HNF1B: variants seen among roughly 807,000 people sequenced by gnomAD.
HNF1B encodes the protein HNF1 homeobox B.
In HNF1B, 8 loss-of-function variants were observed where a neutral mutation model predicts 61.7. The observed-to-expected ratio is 0.13, with a 90% CI of 0.08 to 0.23. HNF1B has a LOEUF of 0.23. Ranked by LOEUF, HNF1B falls within the 10% of genes least tolerant of loss-of-function variation. The probability of loss-of-function intolerance (pLI) is 1.00; values close to 1 mark genes in which losing one functional copy is unlikely to be tolerated. For missense variants in HNF1B, 562 were observed against 714.5 expected, an observed-to-expected ratio of 0.79 and a Z score of 2.43; for synonymous variants, 314 against 287.7, an observed-to-expected ratio of 1.09 and a Z score of -0.93.
At chr17:37,713,322 C>T (rs1312953939) in intron 4 of HNF1B, among the ~76,000 whole-genome samples, 3 of 152,212 alleles carry the variant, frequency 2.0e-5, no homozygotes, top group African/African-American at 7.2e-5. Flanking sequence ...CACAAGGAGG[C>T]TTCTCCCCTA....
chr17:37,699,018 C>T (rs1204631824), intron 8 of HNF1B, 58 bp downstream of exon 8: 21 of 1,212,160 alleles, frequency 1.7e-5, no homozygotes, highest in African/African-American at 6.1e-5. Flanking sequence ...CTCTGCACAT[C>T]CATGGCCTTA....
intron 4 of HNF1B, among the ~76,000 whole-genome samples, chr17:37,724,979 C>A (rs533511840): frequency 6.6e-6 from 1 of 151,898 alleles, no homozygotes; most frequent in African/African-American, 2.4e-5. Flanking sequence ...ATTTCTCTCT[C>A]TCCTCTTCAT....
In HNF1B at chr17:37,690,003, GCACACACACACA is replaced by G. The variant is rs5820231; in HGVS notation, c.1654-2623_1654-2612del. Among the ~76,000 whole-genome samples, 849 of 148,856 alleles carry G rather than the reference GCACACACACACA, an allele frequency of 5.7e-3. 5 individuals are homozygous for G. The highest frequency in any genetic ancestry group is 0.019 in the African/African-American group (767 of 40,318). The stretch of plus-strand genomic sequence containing the variant: ...ATAATAAACAAGTAAACAAATGCGT[GCACACACACACA>G]CACACACACACACACACACACACAC... On this transcript the variant is annotated intron_variant, in intron 8 of 8. Transcript: ENST00000617811.
chr17:37,690,003 G>GCACA (rs5820231), intron 8 of HNF1B, among the ~76,000 whole-genome samples: 29 of 148,876 alleles, frequency 1.9e-4, no homozygotes, highest in South Asian at 6.5e-4. Flanking sequence ...ACAAATGCGT[G>GCACA]CACACACACA....
At chr17:37,702,644 G>A (rs1229891552) in intron 6 of HNF1B, among the ~76,000 whole-genome samples, 1 of 152,178 alleles carries the variant, frequency 6.6e-6, no homozygotes, top group Non-Finnish European at 1.5e-5. Context: ...AGAAACTGCT[G>A]CCCAAAAAAG....
At chr17:37,741,590 T>A (rs2033992603) in intron 1 of HNF1B, among the ~76,000 whole-genome samples, 1 of 152,216 alleles carries the variant, frequency 6.6e-6, no homozygotes, top group Non-Finnish European at 1.5e-5. Flanking sequence ...GGTCAATATT[T>A]CCACCGATAT....
chr17:37,710,912 T>TC (rs2032914739), intron 4 of HNF1B, among the ~76,000 whole-genome samples: 1 of 152,224 alleles, frequency 6.6e-6, no homozygotes, highest in Non-Finnish European at 1.5e-5. Context: ...CACTGATGTA[T>TC]CCCCAGTGCC....
At position 37,744,913 on chromosome 17, in the gene HNF1B, AGGGG is replaced by A; in HGVS notation, c.-33_-30del. 3.1e-6 allele frequency: 1 copy of A among 322,970 alleles called. No homozygotes were observed. Among genetic ancestry groups the A allele is most frequent in the Non-Finnish European group, 5.8e-6 (1 of 172,846 alleles). 20.0% of individuals were successfully genotyped at this position (322,970 alleles called of 1,614,324 possible). On this transcript the variant is annotated 5_prime_UTR_variant, in exon 1 of 9. Transcript: ENST00000617811. Reference sequence around the variant, plus strand: ...CCAAGGACGGAAAAAGAAGGGGGTGAGGGGGTGGGTGGGTGCGAGAGAGGAGGGT... The same window carrying A: ...CCAAGGACGGAAAAAGAAGGGGGTGAGTGGGTGGGTGCGAGAGAGGAGGGT...
At chr17:37,723,613 G>C (rs1051723811) in intron 4 of HNF1B, among the ~76,000 whole-genome samples, 1 of 152,102 alleles carries the variant, frequency 6.6e-6, no homozygotes, top group African/African-American at 2.4e-5. Context: ...TACCCAATGT[G>C]CTGCAACAAG....
intron 8 of HNF1B, among the ~76,000 whole-genome samples, chr17:37,689,348 G>A (rs891403317): frequency 6.6e-6 from 1 of 152,030 alleles, no homozygotes; most frequent in Non-Finnish European, 1.5e-5. Flanking sequence ...CAGATTTCAG[G>A]TGGAGGAGAG....
intron 8 of HNF1B, among the ~76,000 whole-genome samples, chr17:37,688,282 T>C (rs975731367): frequency 1.3e-5 from 2 of 152,022 alleles, no homozygotes; most frequent in African/African-American, 4.8e-5. Context: ...CTGGGGAGTC[T>C]CTTTTTGTCT....
intron 3 of HNF1B, among the ~76,000 whole-genome samples, chr17:37,732,081 G>T (rs1235404807): frequency 6.6e-6 from 1 of 152,176 alleles, no homozygotes; most frequent in African/African-American, 2.4e-5. Flanking sequence ...AGGGGCTTAG[G>T]CTCTGGTGTG....
At chr17:37,743,574 A>C (rs11263763) in intron 1 of HNF1B, among the ~76,000 whole-genome samples, 2 of 152,144 alleles carry the variant, frequency 1.3e-5, no homozygotes, top group South Asian at 2.1e-4. Context: ...CCGAAATCGC[A>C]GCGCTTCAGT....
chr17:37,696,927 C>G (rs1188970243), intron 8 of HNF1B, among the ~76,000 whole-genome samples: 1 of 152,226 alleles, frequency 6.6e-6, no homozygotes, highest in East Asian at 1.9e-4. Flanking sequence ...ATTCCTCCTT[C>G]TCTTTCAACT....
chr17:37,696,801 C>T (rs539669386), intron 8 of HNF1B, among the ~76,000 whole-genome samples: 64 of 152,344 alleles, frequency 4.2e-4, no homozygotes, highest in Non-Finnish European at 7.4e-4. Context: ...TTTCAGAACT[C>T]ACTTCTGACC....
chr17:37,690,066 T>C (rs1448524750), intron 8 of HNF1B, among the ~76,000 whole-genome samples: 2 of 151,094 alleles, frequency 1.3e-5, no homozygotes, highest in Non-Finnish European at 2.9e-5. Flanking sequence ...AGATGAGCAC[T>C]CCATAGAAAA....
chr17:37,707,945 C>T (rs1284085279), intron 5 of HNF1B, among the ~76,000 whole-genome samples: 3 of 152,124 alleles, frequency 2.0e-5, no homozygotes, highest in Non-Finnish European at 4.4e-5. Context: ...TTTCAAGGCA[C>T]GTCCTACTGA....
chr17:37,719,228 CCT>C (rs915358958), intron 4 of HNF1B, among the ~76,000 whole-genome samples: 1 of 152,048 alleles, frequency 6.6e-6, no homozygotes, highest in Non-Finnish European at 1.5e-5. Flanking sequence ...GCCTCCCCTC[CCT>C]GTTTTTCCAT....
chr17:37,738,812 G>A (rs1279543537), intron 2 of HNF1B, among the ~76,000 whole-genome samples: 3 of 152,200 alleles, frequency 2.0e-5, no homozygotes, highest in African/African-American at 7.2e-5. Context: ...CCTGTGCCCT[G>A]CCTTAGCCAG....
Sources: allele counts gnomAD v4.1 joint callset (sites outside exome capture counted in the v4.1 genomes callset), GRCh38; gene constraint gnomAD v4.1.1; transcripts MANE v1.5; gene names NCBI Gene and HGNC (gene_info 2026-07-23, HGNC 2026-07-21).